MCU: variants seen among roughly 807,000 people sequenced by gnomAD.
The protein encoded by MCU is mitochondrial calcium uniporter, also known as calcium uniporter protein, mitochondrial.
In MCU, 12 loss-of-function variants were observed where a neutral mutation model predicts 45.2. That is an observed-to-expected ratio of 0.27 (90% CI 0.17 to 0.43). MCU has a LOEUF of 0.43. Among genes scored for constraint, MCU ranks in the 20% least tolerant of loss-of-function variants. MCU has a pLI of 1.00. For missense variants in MCU, 324 were observed against 436.7 expected, an observed-to-expected ratio of 0.74 and a Z score of 2.30; for synonymous variants, 160 against 165.1, an observed-to-expected ratio of 0.97 and a Z score of 0.24.
At chr10:72,819,072 G>C (rs997812447) in intron 1 of MCU, among the ~76,000 whole-genome samples, 1 of 152,084 alleles carries the variant, frequency 6.6e-6, no homozygotes, top group African/African-American at 2.4e-5. Context: ...TATTTTGTGG[G>C]ATGACATTTG....
chr10:72,775,174 A>G (rs900950866), intron 1 of MCU, among the ~76,000 whole-genome samples: 2 of 152,200 alleles, frequency 1.3e-5, no homozygotes, highest in Non-Finnish European at 2.9e-5. Context: ...AATTTTTAAA[A>G]AACAGAAATA....
chr10:72,702,195 G>A (rs1842766873), intron 1 of MCU, among the ~76,000 whole-genome samples: 1 of 150,392 alleles, frequency 6.6e-6, no homozygotes, highest in South Asian at 2.1e-4. Flanking sequence ...AGGTTGCAGT[G>A]ACCCGAGATC....
intron 1 of MCU, among the ~76,000 whole-genome samples, chr10:72,739,013 T>C (rs979049195): frequency 6.6e-6 from 1 of 152,332 alleles, no homozygotes; most frequent in South Asian, 2.1e-4. Flanking sequence ...CAAAAACATA[T>C]TTGGTTATGT....
At chr10:72,703,497 T>A (rs1298938476) in intron 1 of MCU, among the ~76,000 whole-genome samples, 1 of 152,216 alleles carries the variant, frequency 6.6e-6, no homozygotes, top group African/African-American at 2.4e-5. Context: ...CTGAAGAAAT[T>A]GAAATTTTGT....
intron 2 of MCU, among the ~76,000 whole-genome samples, chr10:72,856,831 C>G (rs1235666063): frequency 7.5e-6 from 1 of 133,364 alleles, no homozygotes; most frequent in Admixed American, 8.1e-5. Flanking sequence ...TAGTTCCCAG[C>G]AACTTGGGAG....
intron 2 of MCU, among the ~76,000 whole-genome samples, chr10:72,837,029 T>C (rs946171636): frequency 6.6e-6 from 1 of 152,200 alleles, no homozygotes; most frequent in Non-Finnish European, 1.5e-5. Flanking sequence ...CCTATAATTA[T>C]GGTATTATAT....
intron 1 of MCU, among the ~76,000 whole-genome samples, chr10:72,704,420 C>G (rs1050404661): frequency 6.6e-6 from 1 of 152,114 alleles, no homozygotes; most frequent in African/African-American, 2.4e-5. Context: ...TTTTTACAAT[C>G]ATGTTAAATA....
intron 6 of MCU, among the ~76,000 whole-genome samples, chr10:72,879,446 A>AAT (rs554327904): frequency 9.5e-4 from 145 of 152,300 alleles, no homozygotes; most frequent in African/African-American, 3.4e-3. Context: ...AAGACAATGG[A>AAT]ATAGTATCTT....
intron 3 of MCU, 51 bp from the exon 4 acceptor site, chr10:72,860,372 A>G (rs751598615): frequency 6.9e-7 from 1 of 1,447,924 alleles, no homozygotes; most frequent in South Asian, 1.2e-5. Flanking sequence ...TTTCCTGACC[A>G]TTCTTGAATA....
chr10:72,726,011 G>A lies in MCU; in HGVS notation c.150+33710G>A, dbSNP rs1314777815. Among the ~76,000 whole-genome samples, 9 of 151,758 alleles carry A rather than the reference G, an allele frequency of 5.9e-5. No individual in the cohort carries two copies. The South Asian group carries it at 8.3e-4, about 14-fold the overall frequency. ...CATTTTGCTCCAAGATAACCATGTC[G>A]TATATATATCCTTCCATATTTTTCT... On this transcript the variant is annotated intron_variant, in intron 1 of 7. Coordinates refer to ENST00000373053, the MANE Select transcript of MCU (RefSeq NM_138357.3).
chr10:72,878,590 G>A lies in MCU; in HGVS notation c.862-5676G>A, dbSNP rs139013761. 1.3e-4 allele frequency among the ~76,000 whole-genome samples: 20 copies of A among 152,304 alleles called. 1 individual carries two copies. The highest frequency in any genetic ancestry group is 4.6e-4 in the African/African-American group (19 of 41,572). On this transcript the variant is annotated intron_variant, in intron 6 of 7. Transcript: ENST00000373053. ...ATTCAGGGAGATAAACAACAAGGTT[G>A]AGAATATTGGCAGATAACTTGATTT...
chr10:72,753,179 A>G (rs1300615173), intron 1 of MCU, among the ~76,000 whole-genome samples: 1 of 152,226 alleles, frequency 6.6e-6, no homozygotes, highest in Non-Finnish European at 1.5e-5. Flanking sequence ...CTAATGAAAT[A>G]ATTTTTTTCT....
At chr10:72,783,508 A>G (rs1327015184) in intron 1 of MCU, among the ~76,000 whole-genome samples, 1 of 151,800 alleles carries the variant, frequency 6.6e-6, no homozygotes, top group Admixed American at 6.5e-5. Context: ...GAGGCTTTGC[A>G]TATGCCATGT....
intron 4 of MCU, chr10:72,861,760 G>A (rs1244714874): frequency 6.1e-6 from 2 of 328,834 alleles, no homozygotes; most frequent in East Asian, 2.6e-4. Context: ...GCCTCCCAAA[G>A]TGCCGAGATT....
In MCU at chr10:72,719,819, T is replaced by C. The variant is rs543281691; in HGVS notation, c.150+27518T>C. Among the ~76,000 whole-genome samples the C allele has an allele frequency of 2.6e-5, 4 of 152,314 alleles. No homozygotes were observed. The South Asian group carries it at 8.3e-4, about 32-fold the overall frequency. ...ATTATTGGCTATAGTCACCCTGTTG[T>C]GCTATACAATTCTAGGTCTTATTCA... On this transcript the variant is annotated intron_variant, in intron 1 of 7. Transcript: ENST00000373053.
intron 1 of MCU, among the ~76,000 whole-genome samples, chr10:72,810,185 G>A (rs750589033): frequency 3.9e-5 from 6 of 152,014 alleles, no homozygotes; most frequent in Non-Finnish European, 7.4e-5. Context: ...AAAGGAGTGG[G>A]GAGACTTCTT....
intron 1 of MCU, among the ~76,000 whole-genome samples, chr10:72,812,576 C>T (rs1028831878): frequency 2.6e-5 from 4 of 152,112 alleles, no homozygotes; most frequent in African/African-American, 9.7e-5. Flanking sequence ...AGACATGATG[C>T]AAAAGGACAA....
intron 6 of MCU, among the ~76,000 whole-genome samples, chr10:72,878,324 G>C (rs947279733): frequency 1.3e-5 from 2 of 151,786 alleles, no homozygotes; most frequent in African/African-American, 4.8e-5. Flanking sequence ...GTTTCTCCAT[G>C]TCACTCTGAC....
intron 1 of MCU, among the ~76,000 whole-genome samples, chr10:72,753,553 A>G (rs750154795): frequency 1.3e-5 from 2 of 152,128 alleles, no homozygotes; most frequent in Non-Finnish European, 2.9e-5. Flanking sequence ...CTGGCACCTT[A>G]ACTTGCATCA....
Sources: allele counts gnomAD v4.1 joint callset (sites outside exome capture counted in the v4.1 genomes callset), GRCh38; gene constraint gnomAD v4.1.1; transcripts MANE v1.5; gene names NCBI Gene and HGNC (gene_info 2026-07-23, HGNC 2026-07-21).